NDE1: variants seen among roughly 807,000 people sequenced by gnomAD.
The protein encoded by NDE1 is nudE neurodevelopment protein 1.
In NDE1, 28 loss-of-function variants were observed where a neutral mutation model predicts 43.4. That is an observed-to-expected ratio of 0.65 (90% CI 0.48 to 0.89). The LOEUF is 0.89. NDE1 is among the 40% of genes least tolerant of loss of function. The pLI is 0.00. For synonymous variants in NDE1, 184 were observed against 172.0 expected (o/e 1.07, Z -0.55); for missense variants, 441 against 434.1 (o/e 1.02, Z -0.14).
At chr16:15,643,926 C>T (rs745782018) in exon 1 of NDE1, 1 of 152,392 alleles carries the variant, frequency 6.6e-6, no homozygotes, top group African/African-American at 2.4e-5. Flanking sequence ...GGAAATCTTA[C>T]GGTTAGTTTC....
intron 1 of NDE1, among the ~76,000 whole-genome samples, chr16:15,651,144 T>G (rs961095550): frequency 1.3e-5 from 2 of 152,228 alleles, no homozygotes; most frequent in Non-Finnish European, 2.9e-5. Context: ...TTCTGCCTCC[T>G]GAGGGCCTGA....
At chr16:15,705,324 T>G (rs1022492057) in intron 8 of NDE1, among the ~76,000 whole-genome samples, 3 of 152,122 alleles carry the variant, frequency 2.0e-5, no homozygotes, top group African/African-American at 7.2e-5. Context: ...CACCCCTGTC[T>G]CTCCTTAATG....
intron 5 of NDE1, among the ~76,000 whole-genome samples, 155 bp downstream of exon 5, chr16:15,687,666 C>A (rs973798003): frequency 6.6e-6 from 1 of 152,206 alleles, no homozygotes; most frequent in Non-Finnish European, 1.5e-5. Flanking sequence ...CTGCACTGGG[C>A]AGACTCTTGC....
At chr16:15,692,238 G>C (rs2038791078) in intron 6 of NDE1, among the ~76,000 whole-genome samples, 1 of 152,214 alleles carries the variant, frequency 6.6e-6, no homozygotes, top group South Asian at 2.1e-4. Context: ...TTTGATGAAA[G>C]TGAGGCTCTG....
At position 15,705,627 on chromosome 16, in the gene NDE1, G is replaced by A. The variant is rs371604826; in HGVS notation, c.947+8767G>A. Among the ~76,000 whole-genome samples the A allele has an allele frequency of 3.9e-5, 6 of 152,198 alleles. No individual in the cohort carries two copies. In the East Asian group the frequency reaches 7.7e-4, roughly 20 times the overall value. On this transcript the variant is annotated intron_variant, in intron 8 of 8. Transcript: ENST00000396354. ...AAGAGAGCAGACTTTTGCTCCCCAC[G>A]CAAGGGTTGGATAAGAAGCCATAAG...
intron 1 of NDE1, among the ~76,000 whole-genome samples, chr16:15,663,320 A>G (rs1201860953): frequency 6.6e-6 from 1 of 151,390 alleles, no homozygotes; most frequent in Non-Finnish European, 1.5e-5. Context: ...GCTCACTGCA[A>G]CTTCCACCTC....
At chr16:15,691,814 A>T (rs1386840743) in intron 6 of NDE1, among the ~76,000 whole-genome samples, 1 of 151,722 alleles carries the variant, frequency 6.6e-6, no homozygotes, top group African/African-American at 2.4e-5. Context: ...TTTTAGGTGG[A>T]GACACAGTCT....
At chr16:15,718,629 G>A (rs911195137) in intron 8 of NDE1, 13 of 829,160 alleles carry the variant, frequency 1.6e-5, no homozygotes, top group African/African-American at 1.0e-4. Flanking sequence ...GGCCGGGTCC[G>A]TGTCAGCAAA....
chr16:15,707,020 A>T (rs1458862082), intron 8 of NDE1, among the ~76,000 whole-genome samples: 1 of 152,122 alleles, frequency 6.6e-6, no homozygotes, highest in African/African-American at 2.4e-5. Context: ...AGGTTTTCTT[A>T]AAGGGTCTGA....
chr16:15,719,832 C>T, intron 8 of NDE1: 13 of 1,416,366 alleles, frequency 9.2e-6, no homozygotes, highest in Non-Finnish European at 1.3e-5. Context: ...AAAGAAGTTC[C>T]CATTGCACGA....
Position 15,725,098 on chromosome 16 carries a change from T to G in NDE1, c.*847T>G. ...ATGGGCTAGTACTTGAGGTGTTCAC[T>G]GATTGAGAAAATACCCGTGAGGTAT... On this transcript the variant is annotated 3_prime_UTR_variant, in exon 9 of 9. Coordinates refer to ENST00000396354, the MANE Select transcript of NDE1 (RefSeq NM_017668.3). The G allele has an allele frequency of 2.3e-6, 2 of 873,296 alleles. No homozygotes were observed. Among genetic ancestry groups the G allele is most frequent in the Non-Finnish European group, 3.7e-6 (2 of 540,718 alleles). 54.1% of individuals were successfully genotyped at this position (873,296 alleles called of 1,614,324 possible).
intron 3 of NDE1, among the ~76,000 whole-genome samples, chr16:15,674,602 A>G (rs550506464): frequency 6.6e-6 from 1 of 152,276 alleles, no homozygotes; most frequent in African/African-American, 2.4e-5. Context: ...TCCATGCTAC[A>G]ACGGAGAGTC....
In NDE1 at chr16:15,691,212, G is replaced by A; in HGVS notation, c.592G>A (p.Glu198Lys). 1.2e-6 allele frequency: 2 copies of A among 1,614,160 alleles called. No homozygotes were observed. The highest frequency in any genetic ancestry group is 1.7e-6 in the Non-Finnish European group (2 of 1,180,008). Reference sequence around the variant, plus strand: ...CAGGACCCCCATGCCCAGCTCAGTGGAAGCTGAGAGGACAGACACAGCTGT... The same window carrying A: ...CAGGACCCCCATGCCCAGCTCAGTGAAAGCTGAGAGGACAGACACAGCTGT... ...KPRTPMPSSVEAERTDTAVQA... is the reference protein window; with the variant it reads ...KPRTPMPSSVKAERTDTAVQA... Residue 198 changes from glutamate to lysine, a missense_variant, in exon 6 of 9, where the codon GAA (glutamate) becomes AAA (lysine). By Grantham distance (56) the Glu-to-Lys change is moderately conservative. Coordinates refer to ENST00000396354, the MANE Select transcript of NDE1 (RefSeq NM_017668.3).
At chr16:15,719,990 G>A (rs1353455672) in intron 8 of NDE1, among the ~76,000 whole-genome samples, 1 of 152,128 alleles carries the variant, frequency 6.6e-6, no homozygotes, top group African/African-American at 2.4e-5. Context: ...CAGGGCAGGA[G>A]ACAGCCACCA....
chr16:15,675,689 G>A (rs755344233), intron 3 of NDE1, among the ~76,000 whole-genome samples: 4 of 152,086 alleles, frequency 2.6e-5, no homozygotes, highest in Non-Finnish European at 4.4e-5. Flanking sequence ...CCACCTGAAA[G>A]TGCTGGGATT....
intron 8 of NDE1, chr16:15,717,428 T>C: frequency 6.7e-7 from 1 of 1,486,378 alleles, no homozygotes; most frequent in South Asian, 1.1e-5. Flanking sequence ...CTTCCTGCCT[T>C]GTTTGGCCTC....
chr16:15,705,165 A>T (rs1286906949), intron 8 of NDE1, among the ~76,000 whole-genome samples: 1 of 151,922 alleles, frequency 6.6e-6, no homozygotes, highest in Non-Finnish European at 1.5e-5. Context: ...TATTTTTAGC[A>T]GAGATGGGAT....
chr16:15,687,607 A>G, intron 5 of NDE1, 96 bp downstream of exon 5: 1 of 1,178,018 alleles, frequency 8.5e-7, no homozygotes, highest in Non-Finnish European at 1.3e-6. Flanking sequence ...CTTTACAGGG[A>G]CCCCACACCC....
At chr16:15,694,809 C>T in intron 7 of NDE1, 3 of 985,338 alleles carry the variant, frequency 3.0e-6, no homozygotes, top group Non-Finnish European at 3.6e-6. Context: ...CGTTTTTCCT[C>T]TAGGAAATTT....
Sources: gnomAD v4.1 joint callset for allele counts (sites outside exome capture counted in the v4.1 genomes callset) on GRCh38, gnomAD v4.1.1 for gene constraint, MANE v1.5 for transcripts, NCBI Gene and HGNC (gene_info 2026-07-23, HGNC 2026-07-21) for gene names.